Variants in NAALADL2 observed in about 807,000 individuals in gnomAD.
NAALADL2 encodes inactive N-acetylated-alpha-linked acidic dipeptidase-like protein 2.
A neutral mutation model predicts 87.2 loss-of-function variants in NAALADL2; 76 were observed. The ratio of observed to expected loss-of-function variants is 0.87; its 90% confidence interval spans 0.72 to 1.05. The LOEUF (loss-of-function observed/expected upper bound fraction) is 1.05. NAALADL2 is among the 50% of genes least tolerant of loss of function. NAALADL2 has a pLI of 0.00. For missense variants in NAALADL2, 1,089 were observed against 945.8 expected, an observed-to-expected ratio of 1.15 and a Z score of -1.99; for synonymous variants, 354 against 331.0, an observed-to-expected ratio of 1.07 and a Z score of -0.75.
chr3:175,663,334 A>G (rs916017366), intron 11 of NAALADL2, among the ~76,000 whole-genome samples: 3 of 151,712 alleles, frequency 2.0e-5, no homozygotes, highest in African/African-American at 4.8e-5. Flanking sequence ...TTGTTGTCAT[A>G]TAATAGTCCA....
intron 2 of NAALADL2, among the ~76,000 whole-genome samples, chr3:174,652,886 A>G (rs1724514786): frequency 6.6e-6 from 1 of 152,174 alleles, no homozygotes; most frequent in Non-Finnish European, 1.5e-5. Context: ...GAAAAACCCA[A>G]TGGAAAAATA....
chr3:174,851,182 T>G (rs1320598631), intron 3 of NAALADL2, among the ~76,000 whole-genome samples: 1 of 151,922 alleles, frequency 6.6e-6, no homozygotes, highest in Non-Finnish European at 1.5e-5. Context: ...AACAACCTAA[T>G]GATTCATCTT....
chr3:175,305,572 G>C (rs1255855905), intron 4 of NAALADL2, among the ~76,000 whole-genome samples: 1 of 151,580 alleles, frequency 6.6e-6, no homozygotes, highest in Non-Finnish European at 1.5e-5. Flanking sequence ...GTCCAGGCTG[G>C]AGTGCAATGG....
At chr3:174,668,379 A>G (rs1726178116) in intron 2 of NAALADL2, among the ~76,000 whole-genome samples, 1 of 151,570 alleles carries the variant, frequency 6.6e-6, no homozygotes, top group Non-Finnish European at 1.5e-5. Context: ...TTATTTGTCT[A>G]TTTTTGCTTT....
At chr3:174,729,432 G>C (rs1439718919) in intron 2 of NAALADL2, among the ~76,000 whole-genome samples, 5 of 152,040 alleles carry the variant, frequency 3.3e-5, no homozygotes, top group Non-Finnish European at 7.4e-5. Context: ...GCCAGACTTT[G>C]AGTCCAGGTA....
At chr3:174,950,545 T>C (rs1740187657) in intron 1 of NAALADL2, among the ~76,000 whole-genome samples, 1 of 152,164 alleles carries the variant, frequency 6.6e-6, no homozygotes, top group African/African-American at 2.4e-5. Flanking sequence ...GGATCCTTTT[T>C]AAATCTGGGC....
In NAALADL2 at chr3:174,691,109, T is replaced by C. The variant is rs555667481; in HGVS notation, c.-114-46532T>C. On this transcript the variant is annotated intron_variant, in intron 2 of 3. Transcript: ENST00000434257. ...TAAATAAACAATGCATATATTTTAA[T>C]TTAAAAATACTTTATTGTTAGGCCA... 3.3e-5 allele frequency among the ~76,000 whole-genome samples: 5 copies of C among 152,290 alleles called. No homozygotes were observed. In the East Asian group the frequency reaches 9.7e-4, roughly 29 times the overall value.
intron 1 of NAALADL2, among the ~76,000 whole-genome samples, chr3:175,072,453 G>T (rs559615177): frequency 6.6e-6 from 1 of 151,816 alleles, no homozygotes; most frequent in East Asian, 1.9e-4. Context: ...AAATTATCTA[G>T]CTATGTCTAA....
At chr3:174,726,876 A>G (rs965215256) in intron 2 of NAALADL2, among the ~76,000 whole-genome samples, 2 of 152,182 alleles carry the variant, frequency 1.3e-5, no homozygotes, top group Non-Finnish European at 2.9e-5. Context: ...GACAGTTGCA[A>G]TAGGCTCCTA....
chr3:174,790,666 C>A (rs1210267098), intron 3 of NAALADL2, among the ~76,000 whole-genome samples: 1 of 150,930 alleles, frequency 6.6e-6, no homozygotes, highest in Non-Finnish European at 1.5e-5. Context: ...AAAAAATGTG[C>A]GTAAGTAAGA....
At chr3:175,284,275 G>A (rs903346230) in intron 4 of NAALADL2, among the ~76,000 whole-genome samples, 6 of 150,896 alleles carry the variant, frequency 4.0e-5, no homozygotes, top group East Asian at 1.9e-4. Flanking sequence ...GATGGCTTAG[G>A]CTGCCTTTCT....
At chr3:175,459,776 C>T (rs1722839501) in intron 6 of NAALADL2, among the ~76,000 whole-genome samples, 1 of 152,066 alleles carries the variant, frequency 6.6e-6, no homozygotes, top group Admixed American at 6.6e-5. Context: ...TACAACAGTG[C>T]CTCACTCCAG....
intron 1 of NAALADL2, among the ~76,000 whole-genome samples, chr3:174,971,058 A>C (rs764004598): frequency 3.9e-5 from 6 of 152,234 alleles, no homozygotes; most frequent in Non-Finnish European, 8.8e-5. Context: ...GCAAGAGAAA[A>C]ATGAGGAAGA....
chr3:174,650,715 G>C (rs915440307), intron 2 of NAALADL2, among the ~76,000 whole-genome samples: 6 of 152,008 alleles, frequency 3.9e-5, no homozygotes, highest in Admixed American at 2.0e-4. Context: ...ATTAAGAATG[G>C]AAAAATTAGG....
At chr3:175,403,459 CAT>C (rs1162503677) in intron 5 of NAALADL2, among the ~76,000 whole-genome samples, 1 of 152,008 alleles carries the variant, frequency 6.6e-6, no homozygotes, top group African/African-American at 2.4e-5. Context: ...GATATGCCAA[CAT>C]AAAGCCAAAT....
intron 3 of NAALADL2, 38 bp downstream of exon 3, chr3:175,234,242 T>C: frequency 6.3e-7 from 1 of 1,584,528 alleles, no homozygotes; most frequent in Non-Finnish European, 8.6e-7. Flanking sequence ...TACAGTGAGA[T>C]GGAATTAGAA....
intron 5 of NAALADL2, among the ~76,000 whole-genome samples, chr3:175,389,357 G>C (rs1768803611): frequency 6.6e-6 from 1 of 152,148 alleles, no homozygotes; most frequent in Non-Finnish European, 1.5e-5. Context: ...AATAAACACT[G>C]TACTCTACCT....
At chr3:174,988,156 A>T (rs1015074030) in intron 1 of NAALADL2, among the ~76,000 whole-genome samples, 4 of 152,160 alleles carry the variant, frequency 2.6e-5, no homozygotes, top group African/African-American at 9.7e-5. Flanking sequence ...AGTTCTGCTC[A>T]TGAATCAAAG....
chr3:174,988,450 A>G (rs1036180687), intron 1 of NAALADL2, among the ~76,000 whole-genome samples: 3 of 152,244 alleles, frequency 2.0e-5, no homozygotes, highest in Non-Finnish European at 4.4e-5. Context: ...GAACAAAAAA[A>G]TGAACTAAAA....
Sources: gnomAD v4.1 joint callset for allele counts (sites outside exome capture counted in the v4.1 genomes callset) on GRCh38, gnomAD v4.1.1 for gene constraint, MANE v1.5 for transcripts, NCBI Gene and HGNC (gene_info 2026-07-23, HGNC 2026-07-21) for gene names.